DOCK10: variants seen among roughly 807,000 people sequenced by gnomAD.
DOCK10 encodes the protein dedicator of cytokinesis protein 10.
DOCK10 carries 145 observed loss-of-function variants against 280.1 expected under a neutral mutation model. The observed-to-expected ratio is 0.52, with a 90% confidence interval of 0.45 to 0.59. The LOEUF (loss-of-function observed/expected upper bound fraction) is 0.59. DOCK10 is among the 20% of genes least tolerant of loss of function. The pLI is 0.00. For synonymous variants in DOCK10, 915 were observed against 942.2 expected (o/e 0.97, Z 0.53); for missense variants, 2,368 against 2,651.7 (o/e 0.89, Z 2.35).
intron 3 of DOCK10, among the ~76,000 whole-genome samples, chr2:224,912,815 C>T (rs1390707328): frequency 6.6e-6 from 1 of 152,062 alleles, no homozygotes; most frequent in Non-Finnish European, 1.5e-5. Flanking sequence ...CACTTGAGGT[C>T]AGGAGTTTGA....
Position 224,814,544 on chromosome 2 carries a change from CAG to C in DOCK10, c.3365-182_3365-181del, listed in dbSNP as rs1413894783. ...TTATTTGTTTCCTTTTTTTTTGAAA[CAG>C]AATCTGGCTCTGTCGCTCAGGCTGG... is the stretch of plus-strand genomic sequence containing the variant. On this transcript the variant is annotated intron_variant, in intron 30 of 55. Coordinates refer to ENST00000258390, the MANE Select transcript of DOCK10 (RefSeq NM_014689.3). 1.3e-4 allele frequency among the ~76,000 whole-genome samples: 19 copies of C among 151,774 alleles called. No individual in the cohort carries two copies. The South Asian group carries it at 3.7e-3, about 30-fold the overall frequency.
At chr2:224,916,618 T>C in intron 3 of DOCK10, 77 bp downstream of exon 3, 1 of 863,862 alleles carries the variant, frequency 1.2e-6, no homozygotes, top group Non-Finnish European at 1.8e-6. Context: ...AGGAAGATAA[T>C]AATAGTAAAT....
At chr2:224,998,613 C>A (rs1460852825) in intron 1 of DOCK10, among the ~76,000 whole-genome samples, 4 of 152,202 alleles carry the variant, frequency 2.6e-5, no homozygotes, top group Admixed American at 2.6e-4. Flanking sequence ...ACAACACACA[C>A]ATATACAACT....
In DOCK10 at chr2:224,841,729, C is replaced by T. The variant is rs537022738; in HGVS notation, c.2661+75G>A. ...AATAATCATCTCCCAGTTTGCCCAT[C>T]GGTGGAAAATGTAAAAGTCTCTTTT... On this transcript the variant is annotated intron_variant, in intron 23 of 55. Coordinates refer to ENST00000258390, the MANE Select transcript of DOCK10 (RefSeq NM_014689.3). The T allele has an allele frequency of 5.4e-5, 49 of 914,020 alleles. 1 individual carries two copies. Among genetic ancestry groups the T allele is most frequent in the African/African-American group, 1.3e-4 (8 of 61,324 alleles). The allele number at this position is 914,020 out of a possible 1,614,324, so 56.6% of individuals were successfully genotyped here. A position where few individuals can be genotyped will look rare whatever the true frequency, so the allele number is the denominator to read the frequency against.
intron 9 of DOCK10, 62 bp from the exon 10 acceptor site, chr2:224,874,411 C>T: frequency 7.7e-7 from 1 of 1,301,500 alleles, no homozygotes; most frequent in Non-Finnish European, 1.1e-6. Context: ...CCTGACACAT[C>T]CACATGGCCA....
intron 50 of DOCK10, among the ~76,000 whole-genome samples, chr2:224,779,553 T>C (rs1691151420): frequency 6.6e-6 from 1 of 152,178 alleles, no homozygotes; most frequent in Non-Finnish European, 1.5e-5. Context: ...TTTTGAGGTC[T>C]GGGTGAAGAC....
At chr2:224,780,037 T>C (rs1442876672) in intron 50 of DOCK10, among the ~76,000 whole-genome samples, 1 of 152,164 alleles carries the variant, frequency 6.6e-6, no homozygotes, top group African/African-American at 2.4e-5. Context: ...AGGGCACACA[T>C]CTTAAAAAGG....
chr2:224,774,353 A>G (rs749209707), intron 52 of DOCK10, among the ~76,000 whole-genome samples: 2 of 152,204 alleles, frequency 1.3e-5, no homozygotes, highest in African/African-American at 2.4e-5. Flanking sequence ...GGCAAGAATC[A>G]TGTTTCATTT....
chr2:224,878,443 C>T (rs1698772885), intron 7 of DOCK10, among the ~76,000 whole-genome samples: 1 of 152,180 alleles, frequency 6.6e-6, no homozygotes, highest in South Asian at 2.1e-4. Context: ...CAACTGTGCT[C>T]CTAATCCCAC....
intron 1 of DOCK10, among the ~76,000 whole-genome samples, chr2:225,017,315 G>C (rs12479065): frequency 2.0e-5 from 3 of 152,054 alleles, no homozygotes; most frequent in African/African-American, 7.2e-5. Flanking sequence ...AGACAGCTTA[G>C]AGGCAGGAGC....
rs758950992 is a variant in DOCK10 at position 224,789,080 on chromosome 2, T to A, written c.5402A>T (p.Asp1801Val). ...TGGTCTAACCTCATTGTATGGTGTA[T>A]CTTGCATTCCAGAATCCTCTTTCAT... ...GAMKEDSGMQ[D>V]TPYNENILVE... Residue 1801 changes from aspartate (D) to valine (V), a missense_variant, in exon 48 of 56, where the codon GAT becomes GTT. By Grantham distance (152) the Asp-to-Val change is radical. Coordinates refer to ENST00000258390, the MANE Select transcript of DOCK10 (RefSeq NM_014689.3). 1 of 1,613,132 alleles carries A rather than the reference T, an allele frequency of 6.2e-7. No homozygotes were observed. Among genetic ancestry groups the A allele is most frequent in the East Asian group, 2.2e-5 (1 of 44,854 alleles).
rs1301438809 is a variant in DOCK10 at position 224,795,047 on chromosome 2, C to A, written c.4986G>T (p.Arg1662Ser). 1 of 1,613,812 alleles carries A rather than the reference C, an allele frequency of 6.2e-7. No individual in the cohort carries two copies. The highest frequency in any genetic ancestry group is 8.5e-7 in the Non-Finnish European group (1 of 1,179,874). Reference protein sequence around the residue: ...AEVKDLTKRIRTVLMATAQMK... With the variant: ...AEVKDLTKRISTVLMATAQMK... Reference sequence around the variant, plus strand: ...TCTGAGCTGTGGCCATCAAAACAGTCCTTATACGCTTAGTCAGGTCCTTCA... The same window carrying A: ...TCTGAGCTGTGGCCATCAAAACAGTACTTATACGCTTAGTCAGGTCCTTCA... The change falls in exon 45 of 56, where the codon AGG becomes AGT. Residue 1662 changes from arginine to serine, a missense_variant. Arg to Ser is a moderately radical substitution (Grantham distance 110). Around this residue, in one of 2 missense-constraint regions of DOCK10, gnomAD observed 1,159 missense variants for 1,400.8 expected, o/e 0.83. Transcript: ENST00000258390.
chr2:225,041,535 G>A (rs548549845), intron 1 of DOCK10, among the ~76,000 whole-genome samples: 1 of 152,162 alleles, frequency 6.6e-6, no homozygotes, highest in African/African-American at 2.4e-5. Flanking sequence ...CTTAGAAGCC[G>A]TTTCAATAAG....
intron 47 of DOCK10, among the ~76,000 whole-genome samples, chr2:224,791,061 C>T (rs1692160153): frequency 6.6e-6 from 1 of 152,138 alleles, no homozygotes; most frequent in African/African-American, 2.4e-5. Context: ...TCTCATATCA[C>T]CTTAGGTCTA....
chr2:224,921,492 A>G (rs1033679390), intron 2 of DOCK10, among the ~76,000 whole-genome samples: 3 of 151,786 alleles, frequency 2.0e-5, no homozygotes, highest in African/African-American at 7.3e-5. Flanking sequence ...TAATGTTCAC[A>G]TCCAATTTAT....
intron 52 of DOCK10, among the ~76,000 whole-genome samples, chr2:224,774,372 A>G (rs1164199655): frequency 6.6e-6 from 1 of 152,216 alleles, no homozygotes; most frequent in Non-Finnish European, 1.5e-5. Context: ...TTGCATTACC[A>G]GTACCCAGAA....
intron 7 of DOCK10, among the ~76,000 whole-genome samples, chr2:224,883,425 G>A (rs538518318): frequency 1.4e-4 from 21 of 152,292 alleles, no homozygotes; most frequent in African/African-American, 4.3e-4. Context: ...TATCCGGAAC[G>A]TAAATCAAGG....
chr2:224,796,223 C>G (rs1450047915), intron 44 of DOCK10, 93 bp downstream of exon 44: 1 of 833,058 alleles, frequency 1.2e-6, no homozygotes, highest in African/African-American at 1.7e-5. Flanking sequence ...ACCACTGTAC[C>G]CAATCTATTT....
chr2:224,959,136 TAC>T (rs1304258158), intron 1 of DOCK10, among the ~76,000 whole-genome samples: 1 of 152,204 alleles, frequency 6.6e-6, no homozygotes, highest in Non-Finnish European at 1.5e-5. Flanking sequence ...TGCCCATAAC[TAC>T]AGAGTGGAGA....
Sources: gnomAD v4.1 joint callset for allele counts (sites outside exome capture counted in the v4.1 genomes callset) on GRCh38, gnomAD v4.1.1 for gene constraint, gnomAD v4.1.1 regional missense constraint, MANE v1.5 for transcripts, NCBI Gene and HGNC (gene_info 2026-07-23, HGNC 2026-07-21) for gene names.